The following MARCHF1 variants were observed in gnomAD, a reference collection of about 807,000 sequenced individuals.
The protein encoded by MARCHF1 is E3 ubiquitin-protein ligase MARCHF1.
In MARCHF1, 40 loss-of-function variants were observed where a neutral mutation model predicts 54.2. The ratio of observed to expected loss-of-function variants is 0.74; its 90% CI spans 0.57 to 0.96. The LOEUF is 0.96. Among genes scored for constraint, MARCHF1 ranks in the 40% least tolerant of loss-of-function variants. The probability of loss-of-function intolerance (pLI) is 0.00; values close to 1 mark genes in which losing one functional copy is unlikely to be tolerated. For missense variants in MARCHF1, 586 were observed against 656.5 expected, an observed-to-expected ratio of 0.89 and a Z score of 1.17; for synonymous variants, 236 against 236.3, an observed-to-expected ratio of 1.00 and a Z score of 0.01.
intron 2 of MARCHF1, among the ~76,000 whole-genome samples, chr4:164,016,504 A>T (rs1753546277): frequency 6.6e-6 from 1 of 152,182 alleles, no homozygotes. Flanking sequence ...CATAAAAAAG[A>T]ATGCAATAAA....
intron 5 of MARCHF1, among the ~76,000 whole-genome samples, chr4:163,666,180 A>G (rs1743525558): frequency 6.6e-6 from 1 of 152,154 alleles, no homozygotes; most frequent in Non-Finnish European, 1.5e-5. Flanking sequence ...CATCTGAACC[A>G]TTTGTTCACG....
At chr4:163,573,299 T>TTAG (rs1401189549) in intron 8 of MARCHF1, among the ~76,000 whole-genome samples, 17 of 49,216 alleles carry the variant, frequency 3.5e-4, no homozygotes, top group African/African-American at 3.0e-3. Flanking sequence ...TTTTCTCTTA[T>TTAG]TATTATTATT....
At chr4:164,009,476 A>C (rs1753371627) in intron 2 of MARCHF1, among the ~76,000 whole-genome samples, 1 of 152,186 alleles carries the variant, frequency 6.6e-6, no homozygotes, top group Non-Finnish European at 1.5e-5. Flanking sequence ...CCAAAAGCAG[A>C]TGAAGATACA....
At chr4:164,374,269 A>C (rs1731121509) in intron 1 of MARCHF1, among the ~76,000 whole-genome samples, 1 of 152,142 alleles carries the variant, frequency 6.6e-6, no homozygotes, top group South Asian at 2.1e-4. Context: ...TTTTGCTTTA[A>C]TATTCATCTT....
At position 164,097,830 on chromosome 4, in the gene MARCHF1, T is replaced by C. The variant is rs556077426; in HGVS notation, c.-248+13758A>G. On this transcript the variant is annotated intron_variant, in intron 2 of 9. Coordinates refer to ENST00000514618, the MANE Select transcript of MARCHF1 (RefSeq NM_001394959.1). Reference sequence around the variant, plus strand: ...ATTTGAGGGAACAAGTGAAGCAACATCCATATTCCCTTTTATTTGGAAGGC... The same window carrying C: ...ATTTGAGGGAACAAGTGAAGCAACACCCATATTCCCTTTTATTTGGAAGGC... Among the ~76,000 whole-genome samples the C allele has an allele frequency of 2.6e-4, 39 of 152,258 alleles. No homozygotes were observed. In the South Asian group the frequency reaches 8.1e-3, roughly 32 times the overall value.
intron 3 of MARCHF1, among the ~76,000 whole-genome samples, chr4:163,858,480 C>T (rs1749831344): frequency 6.6e-6 from 1 of 152,050 alleles, no homozygotes; most frequent in African/African-American, 2.4e-5. Flanking sequence ...TGCCCACCTT[C>T]CCTATTCTCA....
chr4:164,301,221 G>T (rs1488913404), intron 1 of MARCHF1, among the ~76,000 whole-genome samples: 1 of 152,148 alleles, frequency 6.6e-6, no homozygotes, highest in Non-Finnish European at 1.5e-5. Flanking sequence ...TTAGAGATTG[G>T]AGTACCAGAT....
At chr4:164,300,926 A>G (rs1387551054) in intron 1 of MARCHF1, among the ~76,000 whole-genome samples, 2 of 152,198 alleles carry the variant, frequency 1.3e-5, no homozygotes, top group Admixed American at 1.3e-4. Flanking sequence ...GGCGACACTT[A>G]AACTGATCAT....
Position 163,854,047 on chromosome 4 carries a change from C to A in MARCHF1, c.85G>T (p.Ala29Ser). ...TRTPEISGDL[A>S]DASQTSTLNE... ...AATGTGGAGGTTTGTGAGGCGTCAG[C>A]CAAATCCCCTGAGATCTCGGGTGTT... Residue 29 changes from alanine (A) to serine (S), a missense_variant, in exon 4 of 10, where the codon GCT becomes TCT. Ala to Ser is a moderately conservative substitution (Grantham distance 99). This residue lies in a region of MARCHF1 where 387 missense variants were observed against 394.6 expected (regional missense o/e 0.98). Transcript: ENST00000514618. 6.5e-7 allele frequency: 1 copy of A among 1,536,848 alleles called. No individual in the cohort carries two copies. The highest frequency in any genetic ancestry group is 8.7e-7 in the Non-Finnish European group (1 of 1,146,652).
At chr4:164,269,527 A>C (rs991370840) in intron 1 of MARCHF1, among the ~76,000 whole-genome samples, 2 of 152,166 alleles carry the variant, frequency 1.3e-5, no homozygotes. Flanking sequence ...CATAGCACAA[A>C]TATCTCAGAT....
chr4:163,871,465 C>T (rs1292255356), intron 3 of MARCHF1, among the ~76,000 whole-genome samples: 2 of 152,134 alleles, frequency 1.3e-5, no homozygotes, highest in African/African-American at 4.8e-5. Context: ...TAAGTACCCC[C>T]CCACTAAGGG....
intron 4 of MARCHF1, among the ~76,000 whole-genome samples, chr4:163,712,330 G>A (rs2111259373): frequency 6.6e-6 from 1 of 152,240 alleles, no homozygotes; most frequent in Non-Finnish European, 1.5e-5. Context: ...TATGGGCAAT[G>A]GCTTTCTTAT....
In MARCHF1 at chr4:164,091,428, ATG is replaced by A. The variant is rs1322079308; in HGVS notation, c.-248+20158_-248+20159del. ...CCAAGTTTTATATATATATATATAT[ATG>A]TATAAAATGAATTGCACGCAGTTAA... is the stretch of plus-strand genomic sequence containing the variant. On this transcript the variant is annotated intron_variant, in intron 2 of 9. Coordinates refer to ENST00000514618, the MANE Select transcript of MARCHF1 (RefSeq NM_001394959.1). 3.0e-3 allele frequency among the ~76,000 whole-genome samples: 439 copies of A among 145,726 alleles called. 14 individuals carry two copies. The highest frequency in any genetic ancestry group is 9.0e-3 in the African/African-American group (362 of 40,294).
rs1741412826 is a variant in MARCHF1 at position 163,613,384 on chromosome 4, G to C, written c.172C>G (p.Pro58Ala). 6.2e-7 allele frequency: 1 copy of C among 1,613,204 alleles called. No individual in the cohort carries two copies. Among genetic ancestry groups the C allele is most frequent in the Non-Finnish European group, 8.5e-7 (1 of 1,179,554 alleles). ...CTCCTGGGAGCTGTCCCTGTTGTTG[G>C]GCTGCTTGCCTGGAGAAACAAGTTA... ...RSSNISKASS[P>A]TTGTAPRSQS... The change falls in exon 6 of 10, where the codon CCA (proline) becomes GCA (alanine). Residue 58 changes from proline to alanine, a missense_variant. Physicochemically the swap from Pro to Ala is conservative, Grantham distance 27. Around this residue, in one of 3 missense-constraint regions of MARCHF1, gnomAD observed 387 missense variants for 394.6 expected, o/e 0.98. Coordinates refer to ENST00000514618, the MANE Select transcript of MARCHF1 (RefSeq NM_001394959.1).
chr4:164,257,438 G>C (rs1733321538), intron 1 of MARCHF1, among the ~76,000 whole-genome samples: 1 of 151,756 alleles, frequency 6.6e-6, no homozygotes, highest in South Asian at 2.1e-4. Flanking sequence ...TAATAGATTA[G>C]GTAGTATGAT....
rs1748265104 is a variant in MARCHF1, at chr4:163,807,730, C to T, written c.111+46291G>A. ...AAATTATTTTCACTAAATAAAAATA[C>T]ATATATAACAAATAATGAAGTGAAA... On this transcript the variant is annotated intron_variant, in intron 4 of 9. Coordinates refer to ENST00000514618, the MANE Select transcript of MARCHF1 (RefSeq NM_001394959.1). Among the ~76,000 whole-genome samples the T allele has an allele frequency of 2.0e-5, 3 of 151,352 alleles. 1 individual carries two copies. In the South Asian group the frequency reaches 6.2e-4, roughly 31 times the overall value.
intron 2 of MARCHF1, among the ~76,000 whole-genome samples, chr4:164,010,816 G>C (rs1753405187): frequency 1.3e-5 from 2 of 151,972 alleles, no homozygotes; most frequent in Admixed American, 6.6e-5. Context: ...AAGCAATCCA[G>C]AGCAAAAATA....
At chr4:163,687,048 T>C (rs995624118) in intron 5 of MARCHF1, among the ~76,000 whole-genome samples, 1 of 152,188 alleles carries the variant, frequency 6.6e-6, no homozygotes. Flanking sequence ...ATTTTGCAGA[T>C]GGGCAGCCAC....
chr4:163,986,246 CTTCT>C (rs1560849163), intron 3 of MARCHF1, among the ~76,000 whole-genome samples: 6 of 73,774 alleles, frequency 8.1e-5, no homozygotes, highest in Admixed American at 3.9e-4. Context: ...TAATTAACCT[CTTCT>C]TTTTTTTTTT....
Sources: gnomAD v4.1 joint callset for allele counts (sites outside exome capture counted in the v4.1 genomes callset) on GRCh38, gnomAD v4.1.1 for gene constraint, gnomAD v4.1.1 regional missense constraint, MANE v1.5 for transcripts, NCBI Gene and HGNC (gene_info 2026-07-23, HGNC 2026-07-21) for gene names.